Variants in LRMDA observed in about 807,000 individuals in gnomAD.
LRMDA encodes leucine rich melanocyte differentiation associated.
In LRMDA, 18 loss-of-function variants were observed where a neutral mutation model predicts 29.8. The observed-to-expected ratio is 0.60, with a 90% confidence interval of 0.42 to 0.90. LRMDA has a LOEUF of 0.90. Among genes scored for constraint, LRMDA ranks in the 40% least tolerant of loss-of-function variants. LRMDA has a pLI of 0.00. For missense variants in LRMDA, 273 were observed against 273.9 expected (o/e 1.00, Z 0.02); for synonymous variants, 125 against 109.4 (o/e 1.14, Z -0.89).
chr10:76,491,932 A>G lies in LRMDA; in HGVS notation c.602-65277A>G, dbSNP rs373705736. ...TATATTTCTAAATGGCCTGTCTTCA[A>G]TCTCACTGATTCTTTCTTCTGCTTA... On this transcript the variant is annotated intron_variant, in intron 6 of 6. Coordinates refer to ENST00000611255, the MANE Select transcript of LRMDA (RefSeq NM_001305581.2). Among the ~76,000 whole-genome samples, 6 of 152,062 alleles carry G rather than the reference A, an allele frequency of 3.9e-5. No homozygotes were observed. The East Asian group carries it at 7.8e-4, about 20-fold the overall frequency.
intron 5 of LRMDA, among the ~76,000 whole-genome samples, chr10:76,168,323 T>C (rs536894232): frequency 3.9e-4 from 59 of 152,282 alleles, no homozygotes; most frequent in Admixed American, 1.6e-3. Flanking sequence ...TGGAAGCCCA[T>C]CTCAGTGACA....
At chr10:75,817,423 A>G (rs1182647837) in intron 2 of LRMDA, among the ~76,000 whole-genome samples, 1 of 152,246 alleles carries the variant, frequency 6.6e-6, no homozygotes, top group Non-Finnish European at 1.5e-5. Context: ...AGCAGATTAG[A>G]CCACATGACC....
chr10:75,899,176 G>T (rs147486891), intron 2 of LRMDA, among the ~76,000 whole-genome samples: 2 of 152,256 alleles, frequency 1.3e-5, no homozygotes, highest in African/African-American at 4.8e-5. Flanking sequence ...TTGGTTACAC[G>T]CCAGTACTTC....
At chr10:75,736,324 G>A (rs1337047541) in intron 2 of LRMDA, among the ~76,000 whole-genome samples, 1 of 152,220 alleles carries the variant, frequency 6.6e-6, no homozygotes. Flanking sequence ...ATAATTTTCA[G>A]TGCTCAGATC....
At chr10:75,634,432 T>C (rs1043640818) in intron 2 of LRMDA, among the ~76,000 whole-genome samples, 7 of 152,232 alleles carry the variant, frequency 4.6e-5, no homozygotes, top group African/African-American at 1.7e-4. Context: ...TATCTCTGAC[T>C]TCTTTTGAAG....
At chr10:76,446,753 G>T (rs79028370) in intron 6 of LRMDA, among the ~76,000 whole-genome samples, 2 of 152,138 alleles carry the variant, frequency 1.3e-5, no homozygotes, top group Non-Finnish European at 1.5e-5. Flanking sequence ...GAGCTGCCAC[G>T]TTGCGTGGAA....
At chr10:75,544,384 G>A (rs1840052866) in intron 2 of LRMDA, among the ~76,000 whole-genome samples, 1 of 152,166 alleles carries the variant, frequency 6.6e-6, no homozygotes, top group Non-Finnish European at 1.5e-5. Flanking sequence ...TCTGCAAAAT[G>A]AAAAGGATTA....
At chr10:75,880,667 G>C (rs1845279350) in intron 2 of LRMDA, among the ~76,000 whole-genome samples, 1 of 152,138 alleles carries the variant, frequency 6.6e-6, no homozygotes, top group South Asian at 2.1e-4. Context: ...TTTGGGGCAG[G>C]GCAACCCACT....
At chr10:75,708,235 A>G (rs1040082216) in intron 2 of LRMDA, among the ~76,000 whole-genome samples, 2 of 152,216 alleles carry the variant, frequency 1.3e-5, no homozygotes, top group Non-Finnish European at 2.9e-5. Flanking sequence ...TCCACCACGC[A>G]GGATGAATAC....
At chr10:76,074,647 C>T (rs371099239) in intron 5 of LRMDA, among the ~76,000 whole-genome samples, 8 of 152,258 alleles carry the variant, frequency 5.3e-5, no homozygotes, top group African/African-American at 1.9e-4. Flanking sequence ...CACTAAAATG[C>T]CTGGAACCCC....
chr10:75,841,663 C>T (rs574933580), intron 2 of LRMDA, among the ~76,000 whole-genome samples: 9 of 152,234 alleles, frequency 5.9e-5, no homozygotes, highest in South Asian at 2.1e-4. Flanking sequence ...GAGATCCAAG[C>T]ACCCTGTAGG....
intron 2 of LRMDA, among the ~76,000 whole-genome samples, chr10:75,860,960 G>T (rs76860887): frequency 0.011 from 1,709 of 152,198 alleles, 28 homozygotes; most frequent in African/African-American, 0.037. Context: ...TGACCTCTCA[G>T]GATGGTTCTA....
intron 2 of LRMDA, among the ~76,000 whole-genome samples, chr10:75,802,763 C>T (rs563955571): frequency 6.6e-6 from 1 of 151,996 alleles, no homozygotes; most frequent in African/African-American, 2.4e-5. Context: ...TTAAAAAATA[C>T]TCTTCCAATT....
intron 2 of LRMDA, among the ~76,000 whole-genome samples, chr10:75,516,415 A>G (rs1462305792): frequency 1.3e-5 from 2 of 152,220 alleles, no homozygotes; most frequent in Non-Finnish European, 2.9e-5. Flanking sequence ...GTGAGATGGT[A>G]TCTCATTGTG....
chr10:76,056,630 T>A (rs1288025113), intron 4 of LRMDA, among the ~76,000 whole-genome samples: 1 of 152,228 alleles, frequency 6.6e-6, no homozygotes, highest in Non-Finnish European at 1.5e-5. Flanking sequence ...GTTTCAGTAC[T>A]GCTCCGAGCA....
chr10:75,633,745 A>T (rs553977410), intron 2 of LRMDA, among the ~76,000 whole-genome samples: 1 of 152,332 alleles, frequency 6.6e-6, no homozygotes, highest in African/African-American at 2.4e-5. Context: ...CAAAGCTGGT[A>T]GTGTAGACTG....
intron 5 of LRMDA, chr10:76,242,372 T>G (rs2132286487): frequency 6.6e-6 from 1 of 152,310 alleles, no homozygotes; most frequent in East Asian, 1.9e-4. Flanking sequence ...CAACAGAAAT[T>G]TATTCTCTCA....
At chr10:76,383,837 A>T (rs375591054) in intron 6 of LRMDA, among the ~76,000 whole-genome samples, 5 of 152,162 alleles carry the variant, frequency 3.3e-5, no homozygotes, top group African/African-American at 9.7e-5. Flanking sequence ...CTTGAATGTC[A>T]TCTCCTCAGA....
intron 5 of LRMDA, among the ~76,000 whole-genome samples, chr10:76,238,313 T>C (rs1852199194): frequency 6.6e-6 from 1 of 152,206 alleles, no homozygotes; most frequent in African/African-American, 2.4e-5. Flanking sequence ...TGGTCCTCTA[T>C]TTACTTATTA....
Sources: allele counts gnomAD v4.1 joint callset (sites outside exome capture counted in the v4.1 genomes callset), GRCh38; gene constraint gnomAD v4.1.1; transcripts MANE v1.5; gene names NCBI Gene and HGNC (gene_info 2026-07-23, HGNC 2026-07-21).